The following MFHAS1 variants were observed in gnomAD, a reference collection of about 807,000 sequenced individuals.
MFHAS1 encodes the protein multifunctional ROCO family signaling regulator 1.
A neutral mutation model predicts 70.4 loss-of-function variants in MFHAS1; 50 were observed. The observed-to-expected ratio is 0.71, with a 90% CI of 0.57 to 0.90. MFHAS1 has a LOEUF of 0.90. MFHAS1 is among the 40% of genes least tolerant of loss of function. The pLI is 0.00. For missense variants in MFHAS1, 1,795 were observed against 1,347.6 expected (o/e 1.33, Z -5.20); for synonymous variants, 952 against 620.0 (o/e 1.54, Z -7.96).
intron 1 of MFHAS1, among the ~76,000 whole-genome samples, chr8:8,880,101 CCCT>C (rs1169226380): frequency 6.6e-6 from 1 of 152,184 alleles, no homozygotes; most frequent in East Asian, 1.9e-4. Context: ...GGCTTGGATG[CCCT>C]CCTTTCTGTC....
intron 1 of MFHAS1, among the ~76,000 whole-genome samples, chr8:8,857,527 G>A (rs1450054705): frequency 6.6e-6 from 1 of 152,112 alleles, no homozygotes; most frequent in Admixed American, 6.6e-5. Flanking sequence ...GGGAGTCCCA[G>A]GCAGGTGGAT....
chr8:8,858,793 C>A (rs1808550490), intron 1 of MFHAS1, among the ~76,000 whole-genome samples: 1 of 152,108 alleles, frequency 6.6e-6, no homozygotes, highest in South Asian at 2.1e-4. Context: ...CAGTTCAAAT[C>A]TATGTTGTTC....
At chr8:8,832,483 T>C (rs1190585221) in intron 1 of MFHAS1, among the ~76,000 whole-genome samples, 1 of 149,986 alleles carries the variant, frequency 6.7e-6, no homozygotes, top group East Asian at 2.0e-4. Flanking sequence ...AATGGCACAA[T>C]GAGCAAAGAT....
chr8:8,799,751 G>C, intron 1 of MFHAS1, among the ~76,000 whole-genome samples: 1 of 152,308 alleles, frequency 6.6e-6, no homozygotes, highest in Non-Finnish European at 1.5e-5. Flanking sequence ...GTGAGACTCC[G>C]TCTCAAAGAG....
At chr8:8,828,711 C>A (rs1472550435) in intron 1 of MFHAS1, among the ~76,000 whole-genome samples, 1 of 152,206 alleles carries the variant, frequency 6.6e-6, no homozygotes, top group Non-Finnish European at 1.5e-5. Flanking sequence ...CTCTGTAATG[C>A]GGGCAAGGCC....
chr8:8,828,868 T>C (rs1277844113), intron 1 of MFHAS1, among the ~76,000 whole-genome samples: 1 of 152,184 alleles, frequency 6.6e-6, no homozygotes, highest in Non-Finnish European at 1.5e-5. Flanking sequence ...TAGAGACTAG[T>C]GGCCGAGCTC....
chr8:8,877,301 CAAAAA>C, intron 1 of MFHAS1, among the ~76,000 whole-genome samples: 1 of 63,796 alleles, frequency 1.6e-5, no homozygotes, highest in South Asian at 8.7e-4. Context: ...GACCCTGCCT[CAAAAA>C]AAAAAAAAAA....
At chr8:8,871,809 G>A (rs1036271679) in intron 1 of MFHAS1, among the ~76,000 whole-genome samples, 1 of 152,228 alleles carries the variant, frequency 6.6e-6, no homozygotes, top group Non-Finnish European at 1.5e-5. Flanking sequence ...TTCAAGAAGT[G>A]CCTGGGAGAG....
In MFHAS1 at chr8:8,891,892, G is replaced by A. The variant is rs1264087900; in HGVS notation, c.1167C>T (p.Ile389=). The stretch of plus-strand genomic sequence containing the variant: ...CCTTCTGGTAGGCTGCGATGTAGGG[G>A]ATCCCCTTCATGCAGACCTCGTAGG... ...QPPYEVCMKG[I]PYIAAYQKEL... Residue 389 remains isoleucine (I), a synonymous_variant, in exon 1 of 3, where the codon ATC becomes ATT. Transcript: ENST00000276282. This position sits in a 1 kb window ranked among gnomAD's most constrained non-coding sequence, Gnocchi z 5.4. 2 of 1,611,388 alleles carry A rather than the reference G, an allele frequency of 1.2e-6. No individual in the cohort carries two copies. Among genetic ancestry groups the A allele is most frequent in the Admixed American group, 1.7e-5 (1 of 59,906 alleles).
chr8:8,818,706 C>T (rs970014263), intron 1 of MFHAS1, among the ~76,000 whole-genome samples: 1 of 152,210 alleles, frequency 6.6e-6, no homozygotes, highest in African/African-American at 2.4e-5. Flanking sequence ...CCTTGTTACC[C>T]TGAAATATAA....
chr8:8,816,062 G>A (rs1335387381), intron 1 of MFHAS1, among the ~76,000 whole-genome samples: 1 of 152,172 alleles, frequency 6.6e-6, no homozygotes, highest in Non-Finnish European at 1.5e-5. Flanking sequence ...CAAAAACAGA[G>A]TGCATAGTGG....
At chr8:8,838,411 A>G (rs762820343) in intron 1 of MFHAS1, among the ~76,000 whole-genome samples, 5 of 152,222 alleles carry the variant, frequency 3.3e-5, no homozygotes, top group African/African-American at 1.2e-4. Flanking sequence ...ATACATCATT[A>G]AAAAAATTTT....
Position 8,785,613 on chromosome 8 carries a change from A to AC in MFHAS1, c.*408dup, listed in dbSNP as rs956521525. The AC allele has an allele frequency of 5.5e-6, 1 of 180,334 alleles. No individual in the cohort carries two copies. The highest frequency in any genetic ancestry group is 2.3e-5 in the African/African-American group (1 of 42,556). The allele number at this position is 180,334 out of a possible 1,614,324, so 11.2% of individuals were successfully genotyped here. A position where few individuals can be genotyped will look rare whatever the true frequency, so the allele number is the denominator to read the frequency against. On this transcript the variant is annotated 3_prime_UTR_variant, in exon 3 of 3. Transcript: ENST00000276282. ...TACACTAGTTATGGAACAGCAATGA[A>AC]CGTCAGTCGATCCCTCTTTCACATT...
intron 1 of MFHAS1, among the ~76,000 whole-genome samples, chr8:8,880,698 T>C (rs61242114): frequency 0.026 from 3,799 of 148,980 alleles, 166 homozygotes; most frequent in African/African-American, 0.086. Context: ...TTTTTTTTTT[T>C]CCCCCAGATG....
In MFHAS1 at chr8:8,785,626, C is replaced by A. The variant is rs530881796; in HGVS notation, c.*396G>T. On this transcript the variant is annotated 3_prime_UTR_variant, in exon 3 of 3. Coordinates refer to ENST00000276282, the MANE Select transcript of MFHAS1 (RefSeq NM_004225.3). ...GAACAGCAATGAACGTCAGTCGATCCCTCTTTCACATTTAACAGAACTGAA... is the reference window on the plus strand; with the variant it reads ...GAACAGCAATGAACGTCAGTCGATCACTCTTTCACATTTAACAGAACTGAA... The A allele has an allele frequency of 5.8e-4, 108 of 186,414 alleles. No homozygotes were observed. Among genetic ancestry groups the A allele is most frequent in the African/African-American group, 2.4e-3 (103 of 42,874 alleles). The allele number at this position is 186,414 out of a possible 1,614,324, so 11.5% of individuals were successfully genotyped here. A position where few individuals can be genotyped will look rare whatever the true frequency, so the allele number is the denominator to read the frequency against.
intron 1 of MFHAS1, among the ~76,000 whole-genome samples, chr8:8,806,209 C>T (rs537621603): frequency 2.0e-5 from 3 of 152,184 alleles, no homozygotes; most frequent in East Asian, 1.9e-4. Flanking sequence ...GCTGCAAAAG[C>T]GTCAGAGTCT....
intron 1 of MFHAS1, among the ~76,000 whole-genome samples, chr8:8,875,087 C>G (rs1809238969): frequency 6.6e-6 from 1 of 152,032 alleles, no homozygotes; most frequent in Non-Finnish European, 1.5e-5. Context: ...TAGATGATAC[C>G]CAATGTTGAG....
At chr8:8,801,902 T>C (rs1042015673) in intron 1 of MFHAS1, among the ~76,000 whole-genome samples, 6 of 152,168 alleles carry the variant, frequency 3.9e-5, no homozygotes, top group Non-Finnish European at 8.8e-5. Flanking sequence ...GAGAGATTCA[T>C]ACTGATTCAC....
chr8:8,827,227 G>A (rs1345367997), intron 1 of MFHAS1, among the ~76,000 whole-genome samples: 1 of 152,164 alleles, frequency 6.6e-6, no homozygotes, highest in African/African-American at 2.4e-5. Context: ...TTTTTTGCTA[G>A]TATAAATGCT....
Sources: allele counts gnomAD v4.1 joint callset (sites outside exome capture counted in the v4.1 genomes callset), GRCh38; gene constraint gnomAD v4.1.1; non-coding constraint Gnocchi (gnomAD v3.1); transcripts MANE v1.5; gene names NCBI Gene and HGNC (gene_info 2026-07-23, HGNC 2026-07-21).